ITGBL1: variants seen among roughly 807,000 people sequenced by gnomAD.
The protein encoded by ITGBL1 is integrin subunit beta like 1.
Under a neutral mutation model 68.5 loss-of-function variants are expected in ITGBL1, and 51 were observed. The observed-to-expected ratio is 0.74, with a 90% CI of 0.59 to 0.94. The LOEUF is 0.94. Among genes scored for constraint, ITGBL1 ranks in the 40% least tolerant of loss-of-function variants. ITGBL1 has a pLI of 0.00. For synonymous variants in ITGBL1, 209 were observed against 227.3 expected, an observed-to-expected ratio of 0.92 and a Z score of 0.72; for missense variants, 649 against 647.4, an observed-to-expected ratio of 1.00 and a Z score of -0.03.
intron 7 of ITGBL1, among the ~76,000 whole-genome samples, chr13:101,647,508 G>C (rs761748823): frequency 1.3e-5 from 2 of 152,158 alleles, no homozygotes; most frequent in Non-Finnish European, 2.9e-5. Context: ...TATATTTGAA[G>C]GAATGGGAAT....
intron 2 of ITGBL1, among the ~76,000 whole-genome samples, chr13:101,544,307 C>T (rs1259652654): frequency 6.6e-6 from 1 of 152,232 alleles, no homozygotes; most frequent in Non-Finnish European, 1.5e-5. Flanking sequence ...TTGGAGTTTG[C>T]TGGAGGTCCA....
chr13:101,610,169 G>A (rs1001300561), intron 7 of ITGBL1, among the ~76,000 whole-genome samples: 1 of 152,066 alleles, frequency 6.6e-6, no homozygotes, highest in Non-Finnish European at 1.5e-5. Flanking sequence ...AGTGCAGATT[G>A]TAGTGGAGAG....
intron 9 of ITGBL1, chr13:101,712,510 T>C (rs2034515808): frequency 6.6e-6 from 1 of 152,194 alleles, no homozygotes; most frequent in Non-Finnish European, 1.5e-5. Context: ...ATAAGATATT[T>C]CATGAATTGT....
intron 7 of ITGBL1, among the ~76,000 whole-genome samples, chr13:101,644,760 T>C (rs1052419392): frequency 2.0e-5 from 3 of 152,158 alleles, no homozygotes; most frequent in Non-Finnish European, 4.4e-5. Context: ...ATGAGTAATA[T>C]TTACTCATTT....
intron 2 of ITGBL1, among the ~76,000 whole-genome samples, chr13:101,492,590 C>T (rs1259996617): frequency 6.6e-6 from 1 of 152,172 alleles, no homozygotes; most frequent in Non-Finnish European, 1.5e-5. Flanking sequence ...TTCTGTGGGT[C>T]TACTCCTCTG....
At chr13:101,505,631 A>T (rs1345775417) in intron 2 of ITGBL1, among the ~76,000 whole-genome samples, 1 of 152,204 alleles carries the variant, frequency 6.6e-6, no homozygotes, top group African/African-American at 2.4e-5. Context: ...GGTGCTAGGA[A>T]CACATGGGTG....
Position 101,578,489 on chromosome 13 carries a change from T to G in ITGBL1, c.587-798T>G, listed in dbSNP as rs2050400678. On this transcript the variant is annotated intron_variant, in intron 4 of 10. Coordinates refer to ENST00000376180, the MANE Select transcript of ITGBL1 (RefSeq NM_004791.3). Reference sequence around the variant, plus strand: ...TAAAATTTGGGATAAATGCCATCTTTGGGGAATTTGCAGAAGGATTGCTAG... The same window carrying G: ...TAAAATTTGGGATAAATGCCATCTTGGGGGAATTTGCAGAAGGATTGCTAG... 2.0e-5 allele frequency among the ~76,000 whole-genome samples: 3 copies of G among 152,188 alleles called. No individual in the cohort carries two copies. In the South Asian group the frequency reaches 6.2e-4, roughly 31 times the overall value.
In ITGBL1 at chr13:101,453,897, C is replaced by T. The variant is rs1273603231; in HGVS notation, c.113C>T (p.Ala38Val). Residue 38 changes from alanine to valine, a missense_variant, in exon 2 of 11, where the codon GCC (alanine) becomes GTC (valine). By Grantham distance (64) the Ala-to-Val change is moderately conservative (BLOSUM62 0). Coordinates refer to ENST00000376180, the MANE Select transcript of ITGBL1 (RefSeq NM_004791.3). ...FSPSLRSWPG[A>V]ACRLSRAESE... ...CGCCCGCGCAGGAGCTGGCCGGGCG[C>T]CGCCTGCAGGCTGTCCCGGGCCGAG... is the stretch of plus-strand genomic sequence containing the variant. 1.6e-6 allele frequency: 2 copies of T among 1,250,542 alleles called. No individual in the cohort carries two copies. The highest frequency in any genetic ancestry group is 1.0e-6 in the Non-Finnish European group (1 of 998,392). 77.5% of individuals were successfully genotyped at this position (1,250,542 alleles called of 1,614,324 possible).
At chr13:101,607,073 C>A (rs1304858507) in intron 7 of ITGBL1, among the ~76,000 whole-genome samples, 1 of 151,246 alleles carries the variant, frequency 6.6e-6, no homozygotes, top group Non-Finnish European at 1.5e-5. Context: ...TCTAAAAAAA[C>A]CATGCATATA....
chr13:101,699,306 C>G (rs917929961), intron 8 of ITGBL1, among the ~76,000 whole-genome samples: 1 of 152,212 alleles, frequency 6.6e-6, no homozygotes, highest in Non-Finnish European at 1.5e-5. Flanking sequence ...CTGAGCACCA[C>G]AGTGTCCCTG....
At chr13:101,582,942 AATTG>A (rs1215056872) in intron 5 of ITGBL1, among the ~76,000 whole-genome samples, 1 of 152,068 alleles carries the variant, frequency 6.6e-6, no homozygotes, top group Non-Finnish European at 1.5e-5. Flanking sequence ...ATCTTATATA[AATTG>A]TTTTAGTGTT....
At position 101,628,903 on chromosome 13, in the gene ITGBL1, T is replaced by C. The variant is rs538925859; in HGVS notation, c.1015+30604T>C. Among the ~76,000 whole-genome samples, 60 of 152,258 alleles carry C rather than the reference T, an allele frequency of 3.9e-4. No individual in the cohort carries two copies. In the Middle Eastern group the frequency reaches 0.01, roughly 26 times the overall value. On this transcript the variant is annotated intron_variant, in intron 7 of 10. Coordinates refer to ENST00000376180, the MANE Select transcript of ITGBL1 (RefSeq NM_004791.3). ...ATTAATTATTTTGTTCTGAGTTATATAATACTGCTTAGACTTTCTCATAAT... is the reference window on the plus strand; with the variant it reads ...ATTAATTATTTTGTTCTGAGTTATACAATACTGCTTAGACTTTCTCATAAT...
intron 7 of ITGBL1, among the ~76,000 whole-genome samples, chr13:101,642,850 G>A (rs1297837286): frequency 6.6e-6 from 1 of 151,910 alleles, no homozygotes; most frequent in African/African-American, 2.4e-5. Context: ...TTTTTCTCAG[G>A]TTTGTCAAAG....
intron 7 of ITGBL1, among the ~76,000 whole-genome samples, chr13:101,605,033 T>C (rs186062771): frequency 3.6e-4 from 50 of 137,806 alleles, no homozygotes; most frequent in African/African-American, 1.3e-3. Context: ...TATGTATATA[T>C]ACATATACGC....
Position 101,689,810 on chromosome 13 carries a change from GA to G in ITGBL1, c.1016-2771del, listed in dbSNP as rs202119202. ...CACAATGTGAAATAAGCACACCATG[GA>G]AAATGGGTTATTCATCCTCTCAAGA... On this transcript the variant is annotated intron_variant, in intron 7 of 10. Coordinates refer to ENST00000376180, the MANE Select transcript of ITGBL1 (RefSeq NM_004791.3). Among the ~76,000 whole-genome samples, 931 of 152,256 alleles carry G rather than the reference GA, an allele frequency of 6.1e-3. 8 individuals are homozygous for G. The highest frequency in any genetic ancestry group is 0.021 in the African/African-American group (852 of 41,532).
intron 7 of ITGBL1, among the ~76,000 whole-genome samples, chr13:101,640,194 G>A (rs1375077190): frequency 2.0e-5 from 3 of 152,160 alleles, no homozygotes; most frequent in Admixed American, 6.5e-5. Flanking sequence ...TGAGTATAAA[G>A]CATTCAGGAT....
intron 7 of ITGBL1, among the ~76,000 whole-genome samples, chr13:101,671,452 T>G (rs1158558787): frequency 7.5e-6 from 1 of 134,096 alleles, no homozygotes; most frequent in African/African-American, 2.6e-5. Flanking sequence ...TTTTTGTTTT[T>G]TTTTGAGACG....
chr13:101,698,029 A>C (rs980961140), intron 8 of ITGBL1, among the ~76,000 whole-genome samples: 14 of 152,196 alleles, frequency 9.2e-5, no homozygotes, highest in African/African-American at 3.4e-4. Flanking sequence ...AAATCTTACT[A>C]ATATGAGAAT....
chr13:101,474,838 A>C (rs1013080123), intron 2 of ITGBL1, among the ~76,000 whole-genome samples: 1 of 152,182 alleles, frequency 6.6e-6, no homozygotes, highest in African/African-American at 2.4e-5. Context: ...ATACCTTTAC[A>C]AGTCTGTAAG....
Sources: gnomAD v4.1 joint callset for allele counts (sites outside exome capture counted in the v4.1 genomes callset) on GRCh38, gnomAD v4.1.1 for gene constraint, MANE v1.5 for transcripts, NCBI Gene and HGNC (gene_info 2026-07-23, HGNC 2026-07-21) for gene names.